The following ERMP1 variants were observed in gnomAD, a reference collection of about 807,000 sequenced individuals.
ERMP1 encodes the protein endoplasmic reticulum metallopeptidase 1, also known as Felix-ina.
A neutral mutation model predicts 92.0 loss-of-function variants in ERMP1; 86 were observed. That is an observed-to-expected ratio of 0.93 (90% CI 0.79 to 1.12). ERMP1 has a LOEUF of 1.12. ERMP1 is among the 50% of genes most tolerant of loss of function. ERMP1 has a pLI of 0.00. For synonymous variants in ERMP1, 530 were observed against 412.8 expected (o/e 1.28, Z -3.44); for missense variants, 1,342 against 1,116.3 (o/e 1.20, Z -2.88).
rs147385174 is a variant in ERMP1, at chr9:5,786,396, C to T, written c.*748G>A. The T allele has an allele frequency of 1.3e-5, 2 of 152,268 alleles. No homozygotes were observed. Among genetic ancestry groups the T allele is most frequent in the East Asian group, 1.9e-4 (1 of 5,180 alleles). 9.4% of individuals were successfully genotyped at this position (152,268 alleles called of 1,614,324 possible). A position where few individuals can be genotyped will look rare whatever the true frequency, so the allele number is the denominator to read the frequency against. ...TACGAAAACCAGAGGGGTATGTGGC[C>T]AAATATTCCCCTTTTCAACTTGGTA... On this transcript the variant is annotated 3_prime_UTR_variant, in exon 15 of 15. Coordinates refer to ENST00000339450, the MANE Select transcript of ERMP1 (RefSeq NM_024896.3).
chr9:5,815,472 AATAC>A (rs1292105420), intron 4 of ERMP1, among the ~76,000 whole-genome samples: 1 of 150,842 alleles, frequency 6.6e-6, no homozygotes, highest in Admixed American at 6.6e-5. Flanking sequence ...GTAAAATTAA[AATAC>A]ATAAAGTACT....
At chr9:5,826,351 T>G (rs148255539) in intron 2 of ERMP1, among the ~76,000 whole-genome samples, 1 of 152,174 alleles carries the variant, frequency 6.6e-6, no homozygotes, top group Non-Finnish European at 1.5e-5. Context: ...CAAGAAAGAT[T>G]TGGAAGTAAA....
At chr9:5,796,346 C>G (rs1282343881) in intron 13 of ERMP1, among the ~76,000 whole-genome samples, 1 of 152,162 alleles carries the variant, frequency 6.6e-6, no homozygotes, top group Non-Finnish European at 1.5e-5. Context: ...GGCAAAAGAA[C>G]AGAGAAATCA....
chr9:5,828,614 T>C (rs1829816427), intron 2 of ERMP1, among the ~76,000 whole-genome samples: 1 of 152,224 alleles, frequency 6.6e-6, no homozygotes, highest in Non-Finnish European at 1.5e-5. Flanking sequence ...TTGAAGATGC[T>C]ACATAAGCCA....
intron 8 of ERMP1, 110 bp from the exon 9 acceptor site, chr9:5,805,895 A>C: frequency 1.2e-6 from 1 of 820,606 alleles, no homozygotes; most frequent in Non-Finnish European, 1.8e-6. Context: ...TTTGTTTTAA[A>C]CACAGTCTGC....
Position 5,805,016 on chromosome 9 carries a change from T to C in ERMP1, c.1914+11A>G, listed in dbSNP as rs1307714599. The C allele has an allele frequency of 6.3e-7, 1 of 1,584,292 alleles. No homozygotes were observed. The highest frequency in any genetic ancestry group is 2.2e-5 in the East Asian group (1 of 44,716). ...AAATGAAGAAAAAGAAAAAAACTTATTTTCTCTTACAAAATAGGACGAGAG... is the reference window on the plus strand; with the variant it reads ...AAATGAAGAAAAAGAAAAAAACTTACTTTCTCTTACAAAATAGGACGAGAG... On this transcript the variant is annotated intron_variant, in intron 10 of 14. Coordinates refer to ENST00000339450, the MANE Select transcript of ERMP1 (RefSeq NM_024896.3).
At chr9:5,836,109 G>A (rs1218411778), upstream of ERMP1, among the ~76,000 whole-genome samples, 1 of 152,196 alleles carries the variant, frequency 6.6e-6, no homozygotes, top group Non-Finnish European at 1.5e-5. Context: ...ACATAGAGAT[G>A]TCCCATGTCC....
intron 4 of ERMP1, among the ~76,000 whole-genome samples, chr9:5,814,666 G>T (rs1829235378): frequency 6.6e-6 from 1 of 152,112 alleles, no homozygotes; most frequent in Non-Finnish European, 1.5e-5. Context: ...TGAGGTGAAG[G>T]CTGCACTGAG....
At chr9:5,857,841 G>C (rs944388595) in intron 6 of ERMP1, among the ~76,000 whole-genome samples, 1 of 152,186 alleles carries the variant, frequency 6.6e-6, no homozygotes, top group African/African-American at 2.4e-5. Context: ...CTAGCAATAA[G>C]CTATGTTCTG....
intron 5 of ERMP1, among the ~76,000 whole-genome samples, chr9:5,864,817 T>C (rs974381387): frequency 1.3e-5 from 2 of 152,212 alleles, no homozygotes; most frequent in Non-Finnish European, 2.9e-5. Flanking sequence ...TCTTTGCAAC[T>C]ATTGGTGCCT....
At chr9:5,801,396 T>A in intron 10 of ERMP1, 68 bp from the exon 11 acceptor site, 1 of 1,500,762 alleles carries the variant, frequency 6.7e-7, no homozygotes, top group Non-Finnish European at 9.0e-7. Flanking sequence ...TGTTTTTAAC[T>A]AACTTTATTT....
intron 11 of ERMP1, 63 bp from the exon 12 acceptor site, chr9:5,799,071 T>C (rs1828565906): frequency 8.5e-7 from 1 of 1,174,176 alleles, no homozygotes; most frequent in East Asian, 2.4e-5. Flanking sequence ...CCACCCCAGA[T>C]TACAAAAATG....
chr9:5,813,152 A>T (rs1307027320), intron 4 of ERMP1, 117 bp from the exon 5 acceptor site: 6 of 974,196 alleles, frequency 6.2e-6, no homozygotes, highest in Non-Finnish European at 9.3e-6. Context: ...CGGGTCCAAT[A>T]TGTACCTTTT....
Position 5,832,236 on chromosome 9 carries a change from G to A in ERMP1, c.338+454C>T, listed in dbSNP as rs1031311506. Among the ~76,000 whole-genome samples the A allele has an allele frequency of 7.9e-5, 12 of 152,262 alleles. No individual in the cohort carries two copies. In the East Asian group the frequency reaches 1.9e-3, roughly 24 times the overall value. On this transcript the variant is annotated intron_variant, in intron 1 of 14. Coordinates refer to ENST00000339450, the MANE Select transcript of ERMP1 (RefSeq NM_024896.3). Reference sequence around the variant, plus strand: ...GTTTCTATAGCCTTCAGATGTGGGGGCTGTAACCCTCAGAAAGTTAGAACA... The same window carrying A: ...GTTTCTATAGCCTTCAGATGTGGGGACTGTAACCCTCAGAAAGTTAGAACA...
chr9:5,805,153 C>T lies in ERMP1; in HGVS notation c.1788G>A (p.Leu596=), dbSNP rs1269008326. Residue 596 remains leucine (L), a synonymous_variant, in exon 10 of 15, where the codon TTG becomes TTA. Coordinates refer to ENST00000339450, the MANE Select transcript of ERMP1 (RefSeq NM_024896.3). The stretch of plus-strand genomic sequence containing the variant: ...TCTCAAATACTGCCCAGATGAGGTA[C>T]AATGCATAAAGATAAGGAATAAACA... ...LGMFIPYLYA[L]YLIWAVFEMF... The T allele has an allele frequency of 2.5e-6, 4 of 1,612,260 alleles. No homozygotes were observed. Among genetic ancestry groups the T allele is most frequent in the African/African-American group, 2.7e-5 (2 of 74,558 alleles).
At position 5,810,116 on chromosome 9, in the gene ERMP1, A is replaced by G; in HGVS notation, c.1443T>C (p.Ser481=). The G allele has an allele frequency of 5.0e-6, 8 of 1,613,912 alleles. No individual in the cohort carries two copies. Among genetic ancestry groups the G allele is most frequent in the Non-Finnish European group, 6.8e-6 (8 of 1,179,780 alleles). Residue 481 remains serine, a synonymous_variant, in exon 8 of 15, where the codon TCT becomes TCC. Transcript: ENST00000339450. ...IAVFISLIGQ[S]LSWYNHFYVS... ...CATAGAAGTGGTTATACCATGAGAG[A>G]GACTGTCCAATAAGAGAGATGAACA...
chr9:5,793,151 T>A (rs1048398391), intron 13 of ERMP1, among the ~76,000 whole-genome samples: 4 of 152,060 alleles, frequency 2.6e-5, no homozygotes, highest in Non-Finnish European at 4.4e-5. Context: ...AAGGAGAAAT[T>A]AGGATTATTT....
chr9:5,843,971 C>G (rs1376420727), intron 6 of ERMP1, among the ~76,000 whole-genome samples: 6 of 152,084 alleles, frequency 3.9e-5, no homozygotes, highest in African/African-American at 1.4e-4. Context: ...ATAACGAGCA[C>G]TCCTCCACCC....
intron 6 of ERMP1, among the ~76,000 whole-genome samples, chr9:5,850,401 G>A (rs1221883654): frequency 1.6e-3 from 23 of 14,038 alleles, no homozygotes; most frequent in Admixed American, 0.011. Context: ...ATGAAACTCC[G>A]TCTCAAAAAA....
Sources: allele counts gnomAD v4.1 joint callset (sites outside exome capture counted in the v4.1 genomes callset), GRCh38; gene constraint gnomAD v4.1.1; transcripts MANE v1.5; gene names NCBI Gene and HGNC (gene_info 2026-07-23, HGNC 2026-07-21).